Variants in GRIN2B observed in about 807,000 individuals in gnomAD.
GRIN2B encodes the protein glutamate receptor ionotropic, NMDA 2B.
Under a neutral mutation model 114.5 loss-of-function variants are expected in GRIN2B, and 5 were observed. The observed-to-expected ratio is 0.04, with a 90% CI of 0.02 to 0.09. GRIN2B has a LOEUF of 0.09. Among genes scored for constraint, GRIN2B ranks in the 10% least tolerant of loss-of-function variants. GRIN2B has a pLI of 1.00. For synonymous variants in GRIN2B, 787 were observed against 745.1 expected (o/e 1.06, Z -0.92); for missense variants, 1,108 against 1,943.5 (o/e 0.57, Z 8.08).
At chr12:13,763,120 TAA>T (rs372655612) in intron 3 of GRIN2B, among the ~76,000 whole-genome samples, 1 of 145,060 alleles carries the variant, frequency 6.9e-6, no homozygotes. Context: ...AGAGACAGAT[TAA>T]AAAAAAAAAA....
In GRIN2B at chr12:13,608,762, G is replaced by A. The variant is rs147373250; in HGVS notation, c.1851C>T (p.Ser617=). ...WLLWGLVFNN[S]VPVQNPKGTT... ...TCCCCTTTGGGTTCTGCACAGGTAC[G>A]GAGTTGTTAAACACCAGACCCCAGA... Residue 617 remains serine, a synonymous_variant, in exon 10 of 14, where the codon TCC becomes TCT. Transcript: ENST00000609686. The A allele has an allele frequency of 7.7e-4, 1,242 of 1,614,048 alleles. 3 individuals are homozygous for A. The highest frequency in any genetic ancestry group is 1.8e-3 in the South Asian group (167 of 91,072).
chr12:13,976,555 A>G (rs546430244), intron 2 of GRIN2B, among the ~76,000 whole-genome samples: 1 of 152,274 alleles, frequency 6.6e-6, no homozygotes, highest in Admixed American at 6.5e-5. Flanking sequence ...CAGTTTTCCC[A>G]TCTTTAGAAT....
chr12:13,815,727 T>C (rs896015107), intron 3 of GRIN2B, among the ~76,000 whole-genome samples: 1 of 152,206 alleles, frequency 6.6e-6, no homozygotes, highest in Admixed American at 6.5e-5. Flanking sequence ...GGAAGCTCAT[T>C]ATGCCTAACT....
intron 3 of GRIN2B, among the ~76,000 whole-genome samples, chr12:13,849,074 T>G (rs572049468): frequency 6.6e-6 from 1 of 152,156 alleles, no homozygotes; most frequent in Non-Finnish European, 1.5e-5. Flanking sequence ...ACCAATTTGT[T>G]CTTGGAGAAC....
At chr12:13,614,270 G>A (rs1044030251) in intron 8 of GRIN2B, among the ~76,000 whole-genome samples, 2 of 152,158 alleles carry the variant, frequency 1.3e-5, no homozygotes. Flanking sequence ...GTTAGTCACT[G>A]TCTACTGTAA....
chr12:13,846,313 C>G (rs528398856), intron 3 of GRIN2B, among the ~76,000 whole-genome samples: 2 of 152,174 alleles, frequency 1.3e-5, no homozygotes, highest in Admixed American at 6.5e-5. Flanking sequence ...GCATACCATC[C>G]GCTACATTGC....
chr12:13,815,413 A>G (rs931174584), intron 3 of GRIN2B, among the ~76,000 whole-genome samples: 1 of 152,186 alleles, frequency 6.6e-6, no homozygotes, highest in African/African-American at 2.4e-5. Context: ...CTGACACCGT[A>G]ACAACAAAAC....
chr12:13,681,035 C>T (rs1950126669), intron 4 of GRIN2B, among the ~76,000 whole-genome samples: 1 of 152,012 alleles, frequency 6.6e-6, no homozygotes, highest in African/African-American at 2.4e-5. Context: ...TCTGGCCATG[C>T]CACTCCAAGC....
chr12:13,595,491 C>T (rs1949059811), intron 10 of GRIN2B, among the ~76,000 whole-genome samples: 2 of 152,166 alleles, frequency 1.3e-5, no homozygotes, highest in South Asian at 4.2e-4. Context: ...CAAATTATCC[C>T]AAATTATGTC....
intron 10 of GRIN2B, among the ~76,000 whole-genome samples, chr12:13,594,744 T>A (rs1371919592): frequency 6.6e-6 from 1 of 151,710 alleles, no homozygotes; most frequent in African/African-American, 2.4e-5. Context: ...AGTGGCTGCT[T>A]GTCTAGGCCA....
At chr12:13,931,899 C>G (rs1382010873) in intron 2 of GRIN2B, among the ~76,000 whole-genome samples, 1 of 152,186 alleles carries the variant, frequency 6.6e-6, no homozygotes, top group African/African-American at 2.4e-5. Flanking sequence ...TAATCCCCAT[C>G]ATTTCTCACC....
At chr12:13,665,234 T>TC (rs1307705139) in intron 5 of GRIN2B, among the ~76,000 whole-genome samples, 9 of 151,556 alleles carry the variant, frequency 5.9e-5, no homozygotes, top group South Asian at 2.1e-4. Flanking sequence ...GAAAGCTTTC[T>TC]CCCCCCTTTA....
At chr12:13,784,956 T>C (rs1485141938) in intron 3 of GRIN2B, among the ~76,000 whole-genome samples, 1 of 152,272 alleles carries the variant, frequency 6.6e-6, no homozygotes, top group Non-Finnish European at 1.5e-5. Flanking sequence ...GTTGTTATTT[T>C]AAGCCAGTAA....
intron 10 of GRIN2B, among the ~76,000 whole-genome samples, chr12:13,582,054 T>C (rs749907503): frequency 2.4e-4 from 37 of 152,194 alleles, no homozygotes; most frequent in Non-Finnish European, 4.3e-4. Flanking sequence ...TGAAACTGAA[T>C]TTTAACAATG....
chr12:13,934,361 A>G (rs1192536165), intron 2 of GRIN2B, among the ~76,000 whole-genome samples: 5 of 152,234 alleles, frequency 3.3e-5, no homozygotes, highest in South Asian at 4.1e-4. Context: ...AGGGTTAGAT[A>G]CTATAGTTTA....
intron 2 of GRIN2B, among the ~76,000 whole-genome samples, chr12:13,913,039 G>A (rs114583300): frequency 0.012 from 1,887 of 152,098 alleles, 45 homozygotes; most frequent in African/African-American, 0.042. Flanking sequence ...CCCCAAGCAT[G>A]CCCCCCAGCC....
intron 2 of GRIN2B, among the ~76,000 whole-genome samples, chr12:13,963,543 G>A (rs577898334): frequency 1.3e-5 from 2 of 152,312 alleles, no homozygotes; most frequent in South Asian, 2.1e-4. Context: ...GAGGCAGAGA[G>A]CTCAGTTCCA....
intron 5 of GRIN2B, among the ~76,000 whole-genome samples, chr12:13,649,840 A>G (rs1949797923): frequency 6.6e-6 from 1 of 152,112 alleles, no homozygotes; most frequent in Non-Finnish European, 1.5e-5. Flanking sequence ...AAATAGAAGG[A>G]TGAAGATACA....
Position 13,544,641 on chromosome 12 carries a change from A to G in GRIN2B, c.*18142T>C, listed in dbSNP as rs1948321805. Reference sequence around the variant, plus strand: ...CTGTCTTACACTGATGGCAACTCCAAACTTTCAATAGCTCAGGCCAAACAT... The same window carrying G: ...CTGTCTTACACTGATGGCAACTCCAGACTTTCAATAGCTCAGGCCAAACAT... On this transcript the variant is annotated 3_prime_UTR_variant, in exon 14 of 14. Transcript: ENST00000609686. 1 of 152,144 alleles carries G rather than the reference A, an allele frequency of 6.6e-6. No homozygotes were observed. The highest frequency in any genetic ancestry group is 1.5e-5 in the Non-Finnish European group (1 of 68,044). The allele number at this position is 152,144 out of a possible 1,614,324, so 9.4% of individuals were successfully genotyped here. A position where few individuals can be genotyped will look rare whatever the true frequency, so the allele number is the denominator to read the frequency against.
Sources: gnomAD v4.1 joint callset for allele counts (sites outside exome capture counted in the v4.1 genomes callset) on GRCh38, gnomAD v4.1.1 for gene constraint, MANE v1.5 for transcripts, NCBI Gene and HGNC (gene_info 2026-07-23, HGNC 2026-07-21) for gene names.